DNA2: variants seen among roughly 807,000 people sequenced by gnomAD.
DNA2 encodes DNA replication helicase/nuclease 2, also known as DNA replication ATP-dependent helicase/nuclease DNA2.
A neutral mutation model predicts 119.1 loss-of-function variants in DNA2; 101 were observed. The observed-to-expected ratio is 0.85, with a 90% CI of 0.72 to 1.00. The LOEUF is 1.00. DNA2 is among the 50% of genes least tolerant of loss of function. DNA2 has a pLI of 0.00. For missense variants in DNA2, 1,121 were observed against 1,255.5 expected (o/e 0.89, Z 1.62); for synonymous variants, 366 against 424.4 (o/e 0.86, Z 1.69).
At chr10:68,429,116 T>C (rs983036322) in intron 14 of DNA2, among the ~76,000 whole-genome samples, 12 of 152,090 alleles carry the variant, frequency 7.9e-5, no homozygotes, top group Non-Finnish European at 5.9e-5. Flanking sequence ...TATGCTAGCA[T>C]TAGACAAAGG....
At chr10:68,460,030 T>TATACACACAC (rs1554909246) in intron 4 of DNA2, among the ~76,000 whole-genome samples, 2 of 145,602 alleles carry the variant, frequency 1.4e-5, no homozygotes, top group African/African-American at 5.1e-5. Flanking sequence ...CCATCACAAA[T>TATACACACAC]ACACACACAC....
intron 18 of DNA2, 127 bp downstream of exon 18, chr10:68,419,676 C>A: frequency 1.5e-6 from 1 of 660,410 alleles, no homozygotes; most frequent in Non-Finnish European, 2.6e-6. Context: ...AAAATAAAAA[C>A]AATGGGGCTT....
intron 4 of DNA2, among the ~76,000 whole-genome samples, chr10:68,463,781 A>T (rs2052292159): frequency 6.6e-6 from 1 of 152,200 alleles, no homozygotes; most frequent in Non-Finnish European, 1.5e-5. Flanking sequence ...TTTACCATAT[A>T]ACTGTGCAAT....
At chr10:68,445,622 T>C (rs891426739) in intron 7 of DNA2, among the ~76,000 whole-genome samples, 1 of 152,116 alleles carries the variant, frequency 6.6e-6, no homozygotes, top group Non-Finnish European at 1.5e-5. Context: ...TCCTTTAAGT[T>C]TCTGTTCACT....
intron 8 of DNA2, 126 bp downstream of exon 8, chr10:68,444,795 G>A (rs938023606): frequency 1.4e-5 from 8 of 559,024 alleles, no homozygotes; most frequent in Admixed American, 3.8e-5. Context: ...GAAATAATAC[G>A]AAGGAAAATA....
chr10:68,468,257 A>C lies in DNA2; in HGVS notation c.307T>G (p.Cys103Gly), dbSNP rs772468884. The part of the protein sequence containing the change: ...PGDIIHLEGD[C>G]TSDTWIIDKD... Reference sequence around the variant, plus strand: ...TCTATTATCCAAGTGTCAGATGTGCAGTCTCCCTCCAAATGAATGATATCT... The same window carrying C: ...TCTATTATCCAAGTGTCAGATGTGCCGTCTCCCTCCAAATGAATGATATCT... Residue 103 changes from cysteine to glycine, a missense_variant, in exon 3 of 21, where the codon TGC (cysteine) becomes GGC (glycine). Coordinates refer to ENST00000358410, the MANE Select transcript of DNA2 (RefSeq NM_001080449.3). The C allele has an allele frequency of 2.5e-6, 4 of 1,610,466 alleles. No homozygotes were observed. The Admixed American group carries it at 6.7e-5, about 27-fold the overall frequency.
intron 7 of DNA2, among the ~76,000 whole-genome samples, 179 bp downstream of exon 7, chr10:68,446,117 C>T (rs2052035698): frequency 6.6e-6 from 1 of 151,842 alleles, no homozygotes. Context: ...GAGTGAGACT[C>T]TATCTCAAAA....
chr10:68,415,606 C>A (rs144501770), intron 20 of DNA2, among the ~76,000 whole-genome samples: 34 of 151,896 alleles, frequency 2.2e-4, no homozygotes, highest in Middle Eastern at 6.9e-3. Context: ...CTACTTCATA[C>A]CTTCATAAGA....
rs531299636 is a variant in DNA2, at chr10:68,463,548, C to A, written c.587+2119G>T. Among the ~76,000 whole-genome samples the A allele has an allele frequency of 5.4e-5, 8 of 147,460 alleles. 1 individual carries two copies. In the South Asian group the frequency reaches 1.7e-3, roughly 32 times the overall value. Reference sequence around the variant, plus strand: ...AGGCGTGGTGGCAGGCGCCTGTAGTCCCAGATCAGATACTCGGGAGGGTGA... The same window carrying A: ...AGGCGTGGTGGCAGGCGCCTGTAGTACCAGATCAGATACTCGGGAGGGTGA... On this transcript the variant is annotated intron_variant, in intron 4 of 20. Coordinates refer to ENST00000358410, the MANE Select transcript of DNA2 (RefSeq NM_001080449.3).
intron 14 of DNA2, among the ~76,000 whole-genome samples, chr10:68,427,542 A>G (rs1025502326): frequency 6.7e-6 from 1 of 149,618 alleles, no homozygotes; most frequent in Non-Finnish European, 1.5e-5. Context: ...CTAGTTACTC[A>G]GGAGGCTGAG....
chr10:68,425,563 G>A (rs1311688376), intron 14 of DNA2, among the ~76,000 whole-genome samples: 1 of 151,258 alleles, frequency 6.6e-6, no homozygotes, highest in Admixed American at 6.6e-5. Context: ...CACCATACCC[G>A]GCTAATTTGT....
chr10:68,460,068 T>G (rs1489920589), intron 4 of DNA2, among the ~76,000 whole-genome samples: 2 of 122,792 alleles, frequency 1.6e-5, no homozygotes, highest in East Asian at 5.3e-4. Flanking sequence ...CACATACAAG[T>G]TAACATGGTA....
At chr10:68,415,148 A>T (rs2051571301) in intron 20 of DNA2, 41 bp from the exon 21 acceptor site, 3 of 1,233,266 alleles carry the variant, frequency 2.4e-6, no homozygotes, top group South Asian at 2.8e-5. Context: ...ACAATATGGA[A>T]TGGCATAAAT....
chr10:68,468,411 GA>G lies in DNA2; in HGVS notation c.258-106del, dbSNP rs149096095. On this transcript the variant is annotated intron_variant, in intron 2 of 20. Coordinates refer to ENST00000358410, the MANE Select transcript of DNA2 (RefSeq NM_001080449.3). ...ATAAATGAGTATTTTATCTGAAGAA[GA>G]AAAAAATATTTCTAAATTTCTGGGT... The G allele has an allele frequency of 0.084, 59,977 of 711,706 alleles. 3,408 individuals are homozygous for G. The highest frequency in any genetic ancestry group is 0.21 in the South Asian group (3,709 of 17,724). 44.1% of individuals were successfully genotyped at this position (711,706 alleles called of 1,614,324 possible). A position where few individuals can be genotyped will look rare whatever the true frequency, so the allele number is the denominator to read the frequency against.
chr10:68,416,040 T>G (rs1251364836), intron 20 of DNA2, among the ~76,000 whole-genome samples: 1 of 152,046 alleles, frequency 6.6e-6, no homozygotes, highest in African/African-American at 2.4e-5. Flanking sequence ...TAGCCAAGCG[T>G]GGTGGTACGT....
At position 68,464,414 on chromosome 10, in the gene DNA2, C is replaced by G. The variant is rs892783282; in HGVS notation, c.587+1253G>C. 4.6e-5 allele frequency among the ~76,000 whole-genome samples: 7 copies of G among 152,024 alleles called. No individual in the cohort carries two copies. The South Asian group carries it at 1.5e-3, about 32-fold the overall frequency. On this transcript the variant is annotated intron_variant, in intron 4 of 20. Coordinates refer to ENST00000358410, the MANE Select transcript of DNA2 (RefSeq NM_001080449.3). The stretch of plus-strand genomic sequence containing the variant: ...CCTGTAATCCCAGCTACTCGAGAGG[C>G]TGAGGCAGGAAAATTGCTTGAACCC...
At chr10:68,420,108 C>A (rs1341740533) in intron 17 of DNA2, among the ~76,000 whole-genome samples, 1 of 152,206 alleles carries the variant, frequency 6.6e-6, no homozygotes, top group Non-Finnish European at 1.5e-5. Flanking sequence ...ATGATTGAGG[C>A]TAAAATACCT....
At chr10:68,449,827 C>T (rs1290908242) in intron 6 of DNA2, among the ~76,000 whole-genome samples, 1 of 126,574 alleles carries the variant, frequency 7.9e-6, no homozygotes, top group African/African-American at 2.5e-5. Flanking sequence ...GCAGGAGAAT[C>T]GCTTGAACCC....
chr10:68,423,466 C>T (rs940592498), intron 14 of DNA2, among the ~76,000 whole-genome samples: 6 of 152,138 alleles, frequency 3.9e-5, no homozygotes, highest in Non-Finnish European at 1.5e-5. Flanking sequence ...CAGCTGCAAC[C>T]AAAGTCTGCT....
Sources: allele counts gnomAD v4.1 joint callset (sites outside exome capture counted in the v4.1 genomes callset), GRCh38; gene constraint gnomAD v4.1.1; transcripts MANE v1.5; gene names NCBI Gene and HGNC (gene_info 2026-07-23, HGNC 2026-07-21).